The following MAGI3 variants were observed in gnomAD, a reference collection of about 807,000 sequenced individuals.
MAGI3 encodes the protein membrane associated guanylate kinase, WW and PDZ domain containing 3.
MAGI3 carries 43 observed loss-of-function variants against 121.8 expected under a neutral mutation model. The observed-to-expected ratio is 0.35, with a 90% confidence interval of 0.28 to 0.46. The LOEUF is 0.46. Among genes scored for constraint, MAGI3 ranks in the 20% least tolerant of loss-of-function variants. MAGI3 has a pLI of 1.00. For synonymous variants in MAGI3, 553 were observed against 639.3 expected (o/e 0.86, Z 2.04); for missense variants, 1,547 against 1,797.3 (o/e 0.86, Z 2.52).
intron 2 of MAGI3, among the ~76,000 whole-genome samples, chr1:113,561,230 A>G (rs1252822903): frequency 1.3e-5 from 2 of 152,218 alleles, no homozygotes; most frequent in Non-Finnish European, 2.9e-5. Flanking sequence ...TATTCCAAAC[A>G]ATTGAAAAGG....
chr1:113,432,840 TAA>T (rs1190927570), intron 1 of MAGI3, among the ~76,000 whole-genome samples: 1 of 152,100 alleles, frequency 6.6e-6, no homozygotes, highest in African/African-American at 2.4e-5. Flanking sequence ...CAATAAGGTA[TAA>T]GTTTCTGTTG....
At chr1:113,489,236 G>C (rs1656559539) in intron 1 of MAGI3, among the ~76,000 whole-genome samples, 1 of 145,240 alleles carries the variant, frequency 6.9e-6, no homozygotes, top group Non-Finnish European at 1.5e-5. Flanking sequence ...GCCAATGCAA[G>C]TCCGCCAGAG....
At chr1:113,490,430 A>G (rs1033879336) in intron 1 of MAGI3, among the ~76,000 whole-genome samples, 5 of 152,206 alleles carry the variant, frequency 3.3e-5, no homozygotes, top group African/African-American at 9.6e-5. Context: ...ACTACAAAAC[A>G]CACTGAAGTA....
At chr1:113,672,564 T>G in intron 17 of MAGI3, 51 bp from the exon 18 acceptor site, 1 of 1,574,290 alleles carries the variant, frequency 6.4e-7, no homozygotes, top group Non-Finnish European at 8.6e-7. Context: ...GCCTTTAGAC[T>G]GTTTTTCATT....
chr1:113,565,865 G>A (rs192989133), intron 2 of MAGI3, among the ~76,000 whole-genome samples: 22 of 152,170 alleles, frequency 1.4e-4, no homozygotes, highest in Admixed American at 1.4e-3. Flanking sequence ...ACATGCTTCT[G>A]TCCTGGTTCC....
intron 1 of MAGI3, among the ~76,000 whole-genome samples, chr1:113,525,161 A>G (rs1658393646): frequency 6.6e-6 from 1 of 152,216 alleles, no homozygotes; most frequent in African/African-American, 2.4e-5. Flanking sequence ...GTCTCAGGTT[A>G]TGTCTTTATC....
chr1:113,639,169 T>C (rs1652270010), intron 9 of MAGI3, among the ~76,000 whole-genome samples: 1 of 152,244 alleles, frequency 6.6e-6, no homozygotes, highest in Non-Finnish European at 1.5e-5. Context: ...GGGAACTCCC[T>C]GACCCCTTGC....
In MAGI3 at chr1:113,651,131, G is replaced by C; in HGVS notation, c.2365G>C (p.Val789Leu). 6.2e-7 allele frequency: 1 copy of C among 1,614,162 alleles called. No homozygotes were observed. Among genetic ancestry groups the C allele is most frequent in the Non-Finnish European group, 8.5e-7 (1 of 1,180,036 alleles). Residue 789 changes from valine (V) to leucine (L), a missense_variant, in exon 14 of 21, where the codon GTC becomes CTC. Transcript: ENST00000307546. ...IPVKGKSHKQ[V>L]LDLMTTAARN... ...TGTTAAAGGGAAATCACACAAACAA[G>C]TCTTGGACCTCATGACAACTGCTGC...
intron 2 of MAGI3, among the ~76,000 whole-genome samples, chr1:113,563,271 C>A (rs1309117856): frequency 1.3e-5 from 2 of 152,206 alleles, no homozygotes; most frequent in Non-Finnish European, 2.9e-5. Flanking sequence ...ATGACAGAAT[C>A]TGTCAGAAAA....
chr1:113,605,266 A>AT, intron 6 of MAGI3, among the ~76,000 whole-genome samples: 1 of 152,308 alleles, frequency 6.6e-6, no homozygotes, highest in African/African-American at 2.4e-5. Context: ...AAGAGAATGG[A>AT]TAAACCATTT....
chr1:113,520,074 G>C (rs1253189868), intron 1 of MAGI3, among the ~76,000 whole-genome samples: 2 of 152,124 alleles, frequency 1.3e-5, no homozygotes, highest in Non-Finnish European at 2.9e-5. Flanking sequence ...ATACATCCAT[G>C]CCTGTTTGTG....
chr1:113,438,963 A>G (rs1653779498), intron 1 of MAGI3, among the ~76,000 whole-genome samples: 1 of 152,102 alleles, frequency 6.6e-6, no homozygotes, highest in South Asian at 2.1e-4. Context: ...TTACCTTTTC[A>G]CTTAAGAGGA....
At chr1:113,593,450 G>A (rs1461981627) in intron 5 of MAGI3, among the ~76,000 whole-genome samples, 1 of 152,120 alleles carries the variant, frequency 6.6e-6, no homozygotes, top group African/African-American at 2.4e-5. Flanking sequence ...GCCTGAAGCA[G>A]GAGGATCACT....
intron 9 of MAGI3, among the ~76,000 whole-genome samples, chr1:113,628,186 AT>A (rs759542069): frequency 1.3e-5 from 2 of 151,938 alleles, no homozygotes; most frequent in Admixed American, 1.3e-4. Context: ...TATCCATTGT[AT>A]TTTTTTATTT....
intron 19 of MAGI3, among the ~76,000 whole-genome samples, chr1:113,674,855 A>G (rs1190223225): frequency 6.6e-6 from 1 of 152,224 alleles, no homozygotes; most frequent in Non-Finnish European, 1.5e-5. Flanking sequence ...GTTCAAAGGG[A>G]TGAATAGAGA....
intron 1 of MAGI3, among the ~76,000 whole-genome samples, chr1:113,479,222 G>A (rs72986641): frequency 0.03 from 4,554 of 152,230 alleles, 228 homozygotes; most frequent in African/African-American, 0.1. Context: ...GTGACGTCTC[G>A]CCCTCCTTTG....
chr1:113,669,856 T>G (rs539438431), intron 16 of MAGI3, among the ~76,000 whole-genome samples: 5 of 152,150 alleles, frequency 3.3e-5, no homozygotes, highest in Non-Finnish European at 5.9e-5. Context: ...CACAAGGCAG[T>G]GGCATGTTTC....
intron 6 of MAGI3, among the ~76,000 whole-genome samples, chr1:113,595,388 A>G (rs1301772614): frequency 6.6e-6 from 1 of 152,186 alleles, no homozygotes; most frequent in Non-Finnish European, 1.5e-5. Context: ...ATTGTTTGCT[A>G]TGTCTTTACC....
chr1:113,428,647 G>T (rs1183434939), intron 1 of MAGI3, among the ~76,000 whole-genome samples: 1 of 152,146 alleles, frequency 6.6e-6, no homozygotes, highest in Non-Finnish European at 1.5e-5. Context: ...AGCCCTACCT[G>T]TGAAAATATT....
Sources: gnomAD v4.1 joint callset for allele counts (sites outside exome capture counted in the v4.1 genomes callset) on GRCh38, gnomAD v4.1.1 for gene constraint, MANE v1.5 for transcripts, NCBI Gene and HGNC (gene_info 2026-07-23, HGNC 2026-07-21) for gene names.